The following BICC1 variants were observed in gnomAD, a reference collection of about 807,000 sequenced individuals.
The protein encoded by BICC1 is BicC family RNA binding protein 1, also known as protein bicaudal C homolog 1.
Under a neutral mutation model 111.0 loss-of-function variants are expected in BICC1, and 43 were observed. The ratio of observed to expected loss-of-function variants is 0.39; its 90% CI spans 0.30 to 0.50. The LOEUF (loss-of-function observed/expected upper bound fraction) is 0.50. Ranked by LOEUF, BICC1 falls within the 20% of genes least tolerant of loss-of-function variation. The probability of loss-of-function intolerance (pLI) is 0.88; values close to 1 mark genes in which losing one functional copy is unlikely to be tolerated. For synonymous variants in BICC1, 467 were observed against 434.4 expected (o/e 1.07, Z -0.93); for missense variants, 1,091 against 1,203.2 (o/e 0.91, Z 1.38).
At chr10:58,800,468 T>A in intron 13 of BICC1, 142 bp downstream of exon 13, 1 of 781,026 alleles carries the variant, frequency 1.3e-6, no homozygotes, top group Non-Finnish European at 1.9e-6. Flanking sequence ...AAAGACAACA[T>A]CCTGAATAAA....
intron 1 of BICC1, among the ~76,000 whole-genome samples, chr10:58,537,401 A>G (rs1842852842): frequency 6.6e-6 from 1 of 151,654 alleles, no homozygotes; most frequent in Non-Finnish European, 1.5e-5. Flanking sequence ...CTTTCTCAAT[A>G]GGTGCAGAAA....
At chr10:58,745,423 A>G (rs980534422) in intron 3 of BICC1, among the ~76,000 whole-genome samples, 2 of 152,148 alleles carry the variant, frequency 1.3e-5, no homozygotes, top group Non-Finnish European at 2.9e-5. Context: ...TTGCTCTAAC[A>G]ACTGACCACA....
At chr10:58,512,732 G>A (rs896331081), upstream of BICC1, among the ~76,000 whole-genome samples, 2 of 151,764 alleles carry the variant, frequency 1.3e-5, no homozygotes, top group East Asian at 1.9e-4. Context: ...GCGCGCGCGA[G>A]TGTGTGAGCG....
intron 15 of BICC1, 78 bp downstream of exon 15, chr10:58,803,320 G>A: frequency 2.4e-6 from 3 of 1,241,056 alleles, no homozygotes; most frequent in Non-Finnish European, 3.2e-6. Context: ...TGAGTGTTCA[G>A]CAGTAGTGCA....
chr10:58,548,351 GC>G (rs774355672), intron 1 of BICC1, among the ~76,000 whole-genome samples: 1 of 152,142 alleles, frequency 6.6e-6, no homozygotes, highest in Non-Finnish European at 1.5e-5. Context: ...AGTGCCTTTT[GC>G]CTTTAGTCTT....
chr10:58,741,087 A>G (rs537544778), intron 3 of BICC1, among the ~76,000 whole-genome samples: 17 of 152,276 alleles, frequency 1.1e-4, no homozygotes, highest in Admixed American at 6.5e-4. Flanking sequence ...GTCCTAAGGA[A>G]TTTGTTCTTT....
At chr10:58,617,013 G>C (rs1564515100) in intron 1 of BICC1, among the ~76,000 whole-genome samples, 1 of 152,252 alleles carries the variant, frequency 6.6e-6, no homozygotes, top group Non-Finnish European at 1.5e-5. Context: ...TTGACCAGGG[G>C]TACCTGTTTG....
At chr10:58,814,535 C>T (rs1844023243) in intron 18 of BICC1, among the ~76,000 whole-genome samples, 1 of 150,066 alleles carries the variant, frequency 6.7e-6, no homozygotes, top group African/African-American at 2.5e-5. Context: ...AATCCCAGCA[C>T]TTTGGGAGGT....
intron 2 of BICC1, among the ~76,000 whole-genome samples, chr10:58,658,349 A>G (rs1461544862): frequency 1.3e-5 from 2 of 151,994 alleles, no homozygotes; most frequent in Non-Finnish European, 2.9e-5. Context: ...CACCAAGTCC[A>G]GCTAACTTTT....
intron 1 of BICC1, among the ~76,000 whole-genome samples, chr10:58,543,484 G>A (rs1843050687): frequency 6.6e-6 from 1 of 152,018 alleles, no homozygotes; most frequent in Non-Finnish European, 1.5e-5. Context: ...ACTGAAAAAT[G>A]GTTAAAATGG....
chr10:58,823,491 T>C (rs966608563), intron 20 of BICC1: 9 of 984,348 alleles, frequency 9.1e-6, no homozygotes, highest in Non-Finnish European at 1.1e-5. Flanking sequence ...TCTTAGAAAC[T>C]GTATCGATTA....
chr10:58,741,600 T>C (rs1470988054), intron 3 of BICC1, among the ~76,000 whole-genome samples: 1 of 152,210 alleles, frequency 6.6e-6, no homozygotes, highest in Non-Finnish European at 1.5e-5. Flanking sequence ...AAGCTTACTT[T>C]TTTATTTTAA....
intron 2 of BICC1, among the ~76,000 whole-genome samples, chr10:58,672,751 T>C (rs189581661): frequency 2.2e-3 from 335 of 152,318 alleles, no homozygotes; most frequent in African/African-American, 7.5e-3. Context: ...GTGATAAAAA[T>C]AAACCTCTTT....
At chr10:58,611,411 G>A (rs1845414159) in intron 1 of BICC1, among the ~76,000 whole-genome samples, 1 of 151,220 alleles carries the variant, frequency 6.6e-6, no homozygotes, top group South Asian at 2.1e-4. Context: ...ATTTGTGTCT[G>A]TATATGTACA....
chr10:58,739,867 T>C (rs937799119), intron 3 of BICC1, among the ~76,000 whole-genome samples: 19 of 152,222 alleles, frequency 1.2e-4, no homozygotes, highest in African/African-American at 4.3e-4. Context: ...ATATCTCCAC[T>C]GGTCAAAGAA....
In BICC1 at chr10:58,702,020, T is replaced by C. The variant is rs1318472902; in HGVS notation, c.238-54T>C. The C allele has an allele frequency of 8.8e-6, 12 of 1,362,186 alleles. 1 individual carries two copies. The highest frequency in any genetic ancestry group is 2.4e-5 in the East Asian group (1 of 42,086). The allele number at this position is 1,362,186 out of a possible 1,614,324, so 84.4% of individuals were successfully genotyped here. On this transcript the variant is annotated intron_variant, in intron 2 of 20. Transcript: ENST00000373886. The stretch of plus-strand genomic sequence containing the variant: ...ACTTTTTTGTGTGTGAAAAATCTTA[T>C]CTGTAAATACAAGTTTTTAATTGAG...
At chr10:58,656,698 AT>A (rs1838664600) in intron 2 of BICC1, among the ~76,000 whole-genome samples, 1 of 152,198 alleles carries the variant, frequency 6.6e-6, no homozygotes, top group Non-Finnish European at 1.5e-5. Context: ...TCAGTAAAAA[AT>A]ATCATCCTTT....
chr10:58,792,542 C>T (rs1012683035), intron 8 of BICC1, among the ~76,000 whole-genome samples: 4 of 152,122 alleles, frequency 2.6e-5, no homozygotes, highest in African/African-American at 7.2e-5. Flanking sequence ...GCCTGAGCTC[C>T]ACCTCCTGTG....
chr10:58,697,579 C>T (rs910818118), intron 2 of BICC1, among the ~76,000 whole-genome samples: 1 of 152,174 alleles, frequency 6.6e-6, no homozygotes, highest in South Asian at 2.1e-4. Flanking sequence ...GCCACATCTT[C>T]CTAGCCTTAC....
Sources: allele counts gnomAD v4.1 joint callset (sites outside exome capture counted in the v4.1 genomes callset), GRCh38; gene constraint gnomAD v4.1.1; transcripts MANE v1.5; gene names NCBI Gene and HGNC (gene_info 2026-07-23, HGNC 2026-07-21).